The following EPHB3 variants were observed in gnomAD, a reference collection of about 807,000 sequenced individuals.
EPHB3 encodes the protein ephrin type-B receptor 3.
In EPHB3, 33 loss-of-function variants were observed where a neutral mutation model predicts 100.2. The observed-to-expected ratio is 0.33, with a 90% confidence interval of 0.25 to 0.44. The LOEUF is 0.44. EPHB3 is among the 20% of genes least tolerant of loss of function. EPHB3 has a pLI of 1.00. For missense variants in EPHB3, 1,045 were observed against 1,378.3 expected, an observed-to-expected ratio of 0.76 and a Z score of 3.83; for synonymous variants, 526 against 554.7, an observed-to-expected ratio of 0.95 and a Z score of 0.73.
In EPHB3 at chr3:184,562,819, C is replaced by A. The variant is rs910197046; in HGVS notation, c.118+466C>A. The stretch of plus-strand genomic sequence containing the variant: ...GGAGTTAACTGTGAGAGTGTGAGTG[C>A]GAGCACCCCGATTTGTCAGGGGACC... On this transcript the variant is annotated intron_variant, in intron 1 of 15. Transcript: ENST00000330394. The surrounding 1 kb of genome is among the most constrained non-coding windows in gnomAD (Gnocchi z 4.8). 2.6e-5 allele frequency among the ~76,000 whole-genome samples: 4 copies of A among 152,306 alleles called. No individual in the cohort carries two copies. In the Middle Eastern group the frequency reaches 0.01, roughly 389 times the overall value.
At position 184,577,721 on chromosome 3, in the gene EPHB3, C is replaced by T. The variant is rs1476759332; in HGVS notation, c.1543C>T (p.Pro515Ser). Residue 515 changes from proline (P) to serine (S), a missense_variant, in exon 7 of 16, where the codon CCT becomes TCT. Pro to Ser is a moderately conservative substitution (Grantham distance 74). This residue lies in a region of EPHB3 where 985 missense variants were observed against 1,331.1 expected (regional missense o/e 0.74). Transcript: ENST00000330394. The surrounding 1 kb of genome is among the most constrained non-coding windows in gnomAD (Gnocchi z 4.9). Reference protein sequence around the residue: ...MNSVQLDGLRPDARYVVQVRA... With the variant: ...MNSVQLDGLRSDARYVVQVRA... ...CTCCGTGCAGCTGGACGGGCTTCGG[C>T]CTGACGCCCGCTATGTGGTCCAGGT... 6.2e-7 allele frequency: 1 copy of T among 1,611,384 alleles called. No homozygotes were observed. The highest frequency in any genetic ancestry group is 1.7e-5 in the Admixed American group (1 of 59,922).
In EPHB3 at chr3:184,562,197, C is replaced by A; in HGVS notation, c.-39C>A. Reference sequence around the variant, plus strand: ...TGCAGCCCCGCCGGCGCGGCCCGGCCCGGCGCGGCCCGGCTCGGCTCCTAG... The same window carrying A: ...TGCAGCCCCGCCGGCGCGGCCCGGCACGGCGCGGCCCGGCTCGGCTCCTAG... On this transcript the variant is annotated 5_prime_UTR_variant, in exon 1 of 16. Transcript: ENST00000330394. This position sits in a 1 kb window ranked among gnomAD's most constrained non-coding sequence, Gnocchi z 4.8. The A allele has an allele frequency of 2.1e-6, 1 of 485,178 alleles. No homozygotes were observed. Among genetic ancestry groups the A allele is most frequent in the Non-Finnish European group, 2.8e-6 (1 of 360,838 alleles). 30.1% of individuals were successfully genotyped at this position (485,178 alleles called of 1,614,324 possible). A position where few individuals can be genotyped will look rare whatever the true frequency, so the allele number is the denominator to read the frequency against.
In EPHB3 at chr3:184,577,880, C is replaced by T; in HGVS notation, c.1640-18C>T. ...CACTCTCTGTCCCTCCACTCAGCAGCCCCTTCTCTATCTCCAGGCTCTGGG... is the reference window on the plus strand; with the variant it reads ...CACTCTCTGTCCCTCCACTCAGCAGTCCCTTCTCTATCTCCAGGCTCTGGG... On this transcript the variant is annotated intron_variant, in intron 7 of 15. Coordinates refer to ENST00000330394, the MANE Select transcript of EPHB3 (RefSeq NM_004443.4). The surrounding 1 kb of genome is among the most constrained non-coding windows in gnomAD (Gnocchi z 4.9). 6.2e-7 allele frequency: 1 copy of T among 1,612,270 alleles called. No individual in the cohort carries two copies.
rs1355627786 is a variant in EPHB3, at chr3:184,577,664, G to T, written c.1486G>T (p.Gly496Cys). ...YEMKYFEKSE[G>C]IASTVTSQMN... ...CTCTCTCCTGGCATTGCAGAGCGAGGGCATCGCCTCCACAGTGACCAGCCA... is the reference window on the plus strand; with the variant it reads ...CTCTCTCCTGGCATTGCAGAGCGAGTGCATCGCCTCCACAGTGACCAGCCA... Residue 496 changes from glycine (G) to cysteine (C), a missense_variant, in exon 7 of 16, where the codon GGC (glycine) becomes TGC (cysteine). Physicochemically the swap from Gly to Cys is radical, Grantham distance 159 (BLOSUM62 -3). Transcript: ENST00000330394. This position sits in a 1 kb window ranked among gnomAD's most constrained non-coding sequence, Gnocchi z 4.9. The T allele has an allele frequency of 2.5e-6, 4 of 1,596,952 alleles. No individual in the cohort carries two copies. Among genetic ancestry groups the T allele is most frequent in the Non-Finnish European group, 3.4e-6 (4 of 1,168,882 alleles).
Position 184,576,871 on chromosome 3 carries a change from TC to T in EPHB3, c.1044del (p.Asn349MetfsTer2). 6.4e-7 allele frequency: 1 copy of T among 1,556,276 alleles called. No individual in the cohort carries two copies. Among genetic ancestry groups the T allele is most frequent in the South Asian group, 1.2e-5 (1 of 81,174 alleles). On this transcript the variant is annotated frameshift_variant, in exon 5 of 16. Transcript: ENST00000330394. LOFTEE classifies it high-confidence loss of function. ...GCCATCTCCACCCCGAGGTGTGATC[TC>T]CAATGTGAATGAAACCTCACTGATC... ...TVPSPPRGVI[S>X]NVNETSLILE... is the part of the protein sequence containing the mutation.
intron 11 of EPHB3, 95 bp downstream of exon 11, chr3:184,580,029 A>G (rs912678095): frequency 4.6e-6 from 7 of 1,526,630 alleles, no homozygotes; most frequent in South Asian, 1.3e-5. Context: ...ATTCAAGTCC[A>G]TAAGCATTTA....
At chr3:184,568,072 C>T (rs1714439907) in intron 1 of EPHB3, among the ~76,000 whole-genome samples, 1 of 152,144 alleles carries the variant, frequency 6.6e-6, no homozygotes, top group Non-Finnish European at 1.5e-5. Context: ...TCTTTAGCCC[C>T]AGTGGCGGGG....
Position 184,581,250 on chromosome 3 carries a change from C to T in EPHB3, c.2733-3C>T. ...TCACCAGGTCCTTCTCTTCTTCCCACAGCATGTCACAGCCCCTCCTGGACC... is the reference window on the plus strand; with the variant it reads ...TCACCAGGTCCTTCTCTTCTTCCCATAGCATGTCACAGCCCCTCCTGGACC... On this transcript the variant is annotated splice_polypyrimidine_tract_variant and splice_region_variant and intron_variant, in intron 14 of 15. Transcript: ENST00000330394. The T allele has an allele frequency of 6.3e-7, 1 of 1,595,356 alleles. No homozygotes were observed. The highest frequency in any genetic ancestry group is 8.6e-7 in the Non-Finnish European group (1 of 1,169,226).
Position 184,580,363 on chromosome 3 carries a change from G to T in EPHB3, c.2173-39G>T, listed in dbSNP as rs369060497. On this transcript the variant is annotated intron_variant, in intron 11 of 15. Transcript: ENST00000330394. Reference sequence around the variant, plus strand: ...CAGGTGGGCAGGCCATGGGCTGATGGGAGCAATGGGCTCACCTGAGCCTGC... The same window carrying T: ...CAGGTGGGCAGGCCATGGGCTGATGTGAGCAATGGGCTCACCTGAGCCTGC... 5 of 1,613,016 alleles carry T rather than the reference G, an allele frequency of 3.1e-6. No individual in the cohort carries two copies. The African/African-American group carries it at 5.3e-5, about 17-fold the overall frequency.
At chr3:184,575,697 C>A in intron 3 of EPHB3, 133 bp from the exon 4 acceptor site, 1 of 1,137,108 alleles carries the variant, frequency 8.8e-7, no homozygotes, top group Non-Finnish European at 1.2e-6. Context: ...GCAATCCCAG[C>A]ATTGCCCCCA....
intron 3 of EPHB3, chr3:184,575,220 T>C (rs1363679873): frequency 4.1e-6 from 4 of 985,278 alleles, no homozygotes; most frequent in East Asian, 1.1e-4. Flanking sequence ...TTGTGGACAC[T>C]TGAGGCCTCT....
At position 184,573,165 on chromosome 3, in the gene EPHB3, C is replaced by T; in HGVS notation, c.845C>T (p.Ser282Phe). ...ATGHEPAAKE[S>F]QCRPCPPGSY... The stretch of plus-strand genomic sequence containing the variant: ...GGCCATGAGCCAGCTGCCAAGGAGT[C>T]CCAGTGCCGCCGTGAGTGGGGACTG... Residue 282 changes from serine to phenylalanine, a missense_variant, in exon 3 of 16, where the codon TCC becomes TTC. Around this residue, in one of 2 missense-constraint regions of EPHB3, gnomAD observed 985 missense variants for 1,331.1 expected, o/e 0.74. Coordinates refer to ENST00000330394, the MANE Select transcript of EPHB3 (RefSeq NM_004443.4). This position sits in a 1 kb window ranked among gnomAD's most constrained non-coding sequence, Gnocchi z 4.5. 6.2e-7 allele frequency: 1 copy of T among 1,611,984 alleles called. No homozygotes were observed.
chr3:184,573,283 A>G lies in EPHB3; in HGVS notation c.856+107A>G. ...TTGCTATCTGACTAGGAGGTCTGGGAGCAGGTCCACAGTGGAGGCAGGAGA... is the reference window on the plus strand; with the variant it reads ...TTGCTATCTGACTAGGAGGTCTGGGGGCAGGTCCACAGTGGAGGCAGGAGA... On this transcript the variant is annotated intron_variant, in intron 3 of 15. Coordinates refer to ENST00000330394, the MANE Select transcript of EPHB3 (RefSeq NM_004443.4). The surrounding 1 kb of genome is among the most constrained non-coding windows in gnomAD (Gnocchi z 4.5). 1 of 1,423,344 alleles carries G rather than the reference A, an allele frequency of 7.0e-7. No individual in the cohort carries two copies. Among genetic ancestry groups the G allele is most frequent in the East Asian group, 2.4e-5 (1 of 41,052 alleles). 88.2% of individuals were successfully genotyped at this position (1,423,344 alleles called of 1,614,324 possible). A position where few individuals can be genotyped will look rare whatever the true frequency, so the allele number is the denominator to read the frequency against.
rs533928205 is a variant in EPHB3, at chr3:184,576,388, C to T, written c.1012+403C>T. On this transcript the variant is annotated intron_variant, in intron 4 of 15. Coordinates refer to ENST00000330394, the MANE Select transcript of EPHB3 (RefSeq NM_004443.4). ...CTAACCATGGAGGGGGCCTCACATCCTGAGGGTGGCCTGGTGCTCCACTTC... is the reference window on the plus strand; with the variant it reads ...CTAACCATGGAGGGGGCCTCACATCTTGAGGGTGGCCTGGTGCTCCACTTC... Among the ~76,000 whole-genome samples, 5 of 152,338 alleles carry T rather than the reference C, an allele frequency of 3.3e-5. No homozygotes were observed. In the East Asian group the frequency reaches 9.7e-4, roughly 29 times the overall value.
Position 184,563,584 on chromosome 3 carries a change from C to A in EPHB3, c.118+1231C>A, listed in dbSNP as rs1422917626. Among the ~76,000 whole-genome samples, 1 of 152,220 alleles carries A rather than the reference C, an allele frequency of 6.6e-6. No homozygotes were observed. Among genetic ancestry groups the A allele is most frequent in the African/African-American group, 2.4e-5 (1 of 41,448 alleles). On this transcript the variant is annotated intron_variant, in intron 1 of 15. Transcript: ENST00000330394. The surrounding 1 kb of genome is among the most constrained non-coding windows in gnomAD (Gnocchi z 4.1). ...GGAAAGACCTCCTATGATCCCCCACCCTCCTCATCTCTGAGCCTGCTGTGC... is the reference window on the plus strand; with the variant it reads ...GGAAAGACCTCCTATGATCCCCCACACTCCTCATCTCTGAGCCTGCTGTGC...
chr3:184,581,614 C>G lies in EPHB3; in HGVS notation c.2989C>G (p.Gln997Glu). The change falls in exon 16 of 16, where the codon CAG (glutamine) becomes GAG (glutamate). Residue 997 changes from glutamine (Q) to glutamate (E), a missense_variant. This residue lies in a region of EPHB3 where 985 missense variants were observed against 1,331.1 expected (regional missense o/e 0.74). Coordinates refer to ENST00000330394, the MANE Select transcript of EPHB3 (RefSeq NM_004443.4). ...RLQMNQTLPVQV is the reference protein window; with the variant it reads ...RLQMNQTLPVEV ...GCAGATGAACCAGACGCTGCCTGTG[C>G]AGGTCTGACACCGGCTCCCACGGGG... 2 of 1,609,848 alleles carry G rather than the reference C, an allele frequency of 1.2e-6. No homozygotes were observed. Among genetic ancestry groups the G allele is most frequent in the Non-Finnish European group, 1.7e-6 (2 of 1,178,176 alleles).
Position 184,581,504 on chromosome 3 carries a change from C to T in EPHB3, c.2889-10C>T, listed in dbSNP as rs763680112. On this transcript the variant is annotated splice_polypyrimidine_tract_variant and intron_variant, in intron 15 of 15. Coordinates refer to ENST00000330394, the MANE Select transcript of EPHB3 (RefSeq NM_004443.4). ...GAAAGGGACTGATCCTAATTTGGCT[C>T]CACCTGCAGAGACCTGCTCCGTATT... 7 of 1,610,382 alleles carry T rather than the reference C, an allele frequency of 4.3e-6. No homozygotes were observed. In the South Asian group the frequency reaches 5.5e-5, roughly 13 times the overall value.
intron 1 of EPHB3, among the ~76,000 whole-genome samples, chr3:184,567,343 A>G (rs1205890183): frequency 2.0e-5 from 3 of 152,174 alleles, no homozygotes; most frequent in African/African-American, 7.2e-5. Context: ...TTCCCTTGCA[A>G]GAGTGGCCCA....
chr3:184,562,417 C>A lies in EPHB3; in HGVS notation c.118+64C>A. 8.6e-7 allele frequency: 1 copy of A among 1,159,480 alleles called. No homozygotes were observed. The highest frequency in any genetic ancestry group is 1.1e-6 in the Non-Finnish European group (1 of 941,338). The allele number at this position is 1,159,480 out of a possible 1,614,324, so 71.8% of individuals were successfully genotyped here. A position where few individuals can be genotyped will look rare whatever the true frequency, so the allele number is the denominator to read the frequency against. On this transcript the variant is annotated intron_variant, in intron 1 of 15. Coordinates refer to ENST00000330394, the MANE Select transcript of EPHB3 (RefSeq NM_004443.4). The surrounding 1 kb of genome is among the most constrained non-coding windows in gnomAD (Gnocchi z 4.8). ...CTGGGGTCGCGGGGCTGCGGGCTAG[C>A]AGCGTGGGTCCGACCCGGATTGAGC...
Sources: gnomAD v4.1 joint callset for allele counts (sites outside exome capture counted in the v4.1 genomes callset) on GRCh38, gnomAD v4.1.1 for gene constraint, gnomAD v4.1.1 regional missense constraint, Gnocchi (gnomAD v3.1) non-coding constraint, MANE v1.5 for transcripts, NCBI Gene and HGNC (gene_info 2026-07-23, HGNC 2026-07-21) for gene names.